Variants in PHACTR3 observed in about 807,000 individuals in gnomAD.
PHACTR3 encodes protein phosphatase 1, regulatory subunit 123.
In PHACTR3, 16 loss-of-function variants were observed where a neutral mutation model predicts 66.8. That is an observed-to-expected ratio of 0.24 (90% CI 0.16 to 0.36). PHACTR3 has a LOEUF of 0.36. Ranked by LOEUF, PHACTR3 falls within the 10% of genes least tolerant of loss-of-function variation. PHACTR3 has a pLI of 1.00. For synonymous variants in PHACTR3, 323 were observed against 292.1 expected, an observed-to-expected ratio of 1.11 and a Z score of -1.08; for missense variants, 647 against 719.9, an observed-to-expected ratio of 0.90 and a Z score of 1.16.
At position 59,806,111 on chromosome 20, in the gene PHACTR3, A is replaced by G. The variant is rs2041560510; in HGVS notation, c.1245A>G (p.Glu415=). 1.9e-6 allele frequency: 3 copies of G among 1,614,270 alleles called. No homozygotes were observed. The change falls in exon 8 of 13, where the codon GAA becomes GAG. Residue 415 remains glutamate (E), a synonymous_variant. Coordinates refer to ENST00000371015, the MANE Select transcript of PHACTR3 (RefSeq NM_080672.5). Reference sequence around the variant, plus strand: ...TAAGGAACCGGCCAAGCAAACAGGAACTAGAAGACCGGAACATTTTCCCCA... The same window carrying G: ...TAAGGAACCGGCCAAGCAAACAGGAGCTAGAAGACCGGAACATTTTCCCCA... The part of the protein sequence containing the change: ...VKLRNRPSKQ[E]LEDRNIFPRR...
chr20:59,631,584 G>C (rs1320264404), intron 1 of PHACTR3, among the ~76,000 whole-genome samples: 1 of 152,100 alleles, frequency 6.6e-6, no homozygotes, highest in Non-Finnish European at 1.5e-5. Context: ...AACTAGGGAT[G>C]TTTAAAAACA....
intron 1 of PHACTR3, among the ~76,000 whole-genome samples, chr20:59,597,642 A>G (rs1432348637): frequency 6.6e-6 from 1 of 152,246 alleles, no homozygotes; most frequent in Non-Finnish European, 1.5e-5. Context: ...TGGCTGGCAC[A>G]TGGTAAGAGC....
intron 1 of PHACTR3, among the ~76,000 whole-genome samples, chr20:59,607,008 AAGAG>A (rs1163147822): frequency 6.6e-6 from 1 of 152,216 alleles, no homozygotes; most frequent in Non-Finnish European, 1.5e-5. Context: ...TTCTGGCAGA[AAGAG>A]AATCAGAATC....
intron 1 of PHACTR3, among the ~76,000 whole-genome samples, chr20:59,729,797 A>AGC (rs943587772): frequency 2.0e-5 from 3 of 152,182 alleles, no homozygotes; most frequent in African/African-American, 7.2e-5. Context: ...CCTGTGATGA[A>AGC]GCGAGCAGCC....
intron 4 of PHACTR3, among the ~76,000 whole-genome samples, chr20:59,764,757 G>A (rs894487287): frequency 1.3e-5 from 2 of 152,184 alleles, no homozygotes; most frequent in Non-Finnish European, 2.9e-5. Flanking sequence ...AAGAAGTCCT[G>A]TAAACCCAAA....
chr20:59,598,732 G>T (rs2033393310), intron 1 of PHACTR3, among the ~76,000 whole-genome samples: 1 of 152,158 alleles, frequency 6.6e-6, no homozygotes, highest in Non-Finnish European at 1.5e-5. Context: ...GTGGTCAAAG[G>T]TGCAGGAAGT....
chr20:59,799,379 C>A (rs1600677025), intron 7 of PHACTR3, among the ~76,000 whole-genome samples: 2 of 152,124 alleles, frequency 1.3e-5, no homozygotes, highest in African/African-American at 2.4e-5. Flanking sequence ...GTTTTGAAAT[C>A]TCCAAGAAAT....
chr20:59,707,498 T>G (rs1169145513), intron 1 of PHACTR3, among the ~76,000 whole-genome samples: 1 of 144,912 alleles, frequency 6.9e-6, no homozygotes, highest in South Asian at 2.3e-4. Flanking sequence ...TCTCTCTCTG[T>G]CTCCCAGGTT....
chr20:59,669,286 A>T (rs2036109191), intron 1 of PHACTR3, among the ~76,000 whole-genome samples: 1 of 152,164 alleles, frequency 6.6e-6, no homozygotes, highest in South Asian at 2.1e-4. Flanking sequence ...TCCCTGTCTC[A>T]AGACTGTGTT....
chr20:59,667,553 A>G (rs2036035484), intron 1 of PHACTR3, among the ~76,000 whole-genome samples: 1 of 152,262 alleles, frequency 6.6e-6, no homozygotes, highest in Non-Finnish European at 1.5e-5. Context: ...CACCCTCGCC[A>G]TGTAAATTCA....
chr20:59,677,786 T>G (rs1004165423), intron 1 of PHACTR3, among the ~76,000 whole-genome samples: 1 of 152,206 alleles, frequency 6.6e-6, no homozygotes, highest in Non-Finnish European at 1.5e-5. Flanking sequence ...ATTATGTGCG[T>G]GTATAATGAT....
intron 1 of PHACTR3, among the ~76,000 whole-genome samples, chr20:59,631,666 C>T (rs893379104): frequency 1.3e-5 from 2 of 152,140 alleles, no homozygotes; most frequent in Non-Finnish European, 2.9e-5. Context: ...ACCAGTATTT[C>T]CCAAAAGAAA....
intron 1 of PHACTR3, among the ~76,000 whole-genome samples, chr20:59,691,199 C>T (rs1488948980): frequency 2.0e-5 from 3 of 152,158 alleles, no homozygotes; most frequent in Non-Finnish European, 2.9e-5. Context: ...CATGTGGCCT[C>T]GGGTGTCCTG....
intron 1 of PHACTR3, among the ~76,000 whole-genome samples, chr20:59,723,060 CTCTTTCTTTCTTTCTTTCTTTCTTTCTT>C (rs140524195): frequency 1.6e-4 from 19 of 118,768 alleles, no homozygotes; most frequent in African/African-American, 3.6e-4. Context: ...TTCTTTCTTT[CTCTTTCTTTCTTTCTTTCTTTCTTTCTT>C]TCTTTCTTTC....
intron 1 of PHACTR3, among the ~76,000 whole-genome samples, chr20:59,734,089 C>T (rs2038861024): frequency 6.6e-6 from 1 of 152,004 alleles, no homozygotes; most frequent in Non-Finnish European, 1.5e-5. Context: ...AGCCACACAG[C>T]TCTTCTTGGT....
Position 59,803,800 on chromosome 20 carries a change from T to C in PHACTR3, c.1175-2241T>C, listed in dbSNP as rs953051928. ...TCCTTTCATGTACTTTTTATGTGTT[T>C]GTCCCAATCATTTTAGGAGACAGAC... On this transcript the variant is annotated intron_variant, in intron 7 of 12. Transcript: ENST00000371015. 8.5e-5 allele frequency among the ~76,000 whole-genome samples: 13 copies of C among 152,220 alleles called. No homozygotes were observed. The East Asian group carries it at 2.5e-3, about 29-fold the overall frequency.
Position 59,829,149 on chromosome 20 carries a change from G to A in PHACTR3, c.1329-7356G>A, listed in dbSNP as rs911084858. On this transcript the variant is annotated intron_variant, in intron 8 of 12. Coordinates refer to ENST00000371015, the MANE Select transcript of PHACTR3 (RefSeq NM_080672.5). The surrounding 1 kb of genome is among the most constrained non-coding windows in gnomAD (Gnocchi z 4.2). The stretch of plus-strand genomic sequence containing the variant: ...GTGGGGAACAGGGTGTGAAAAGGTC[G>A]GCTTTGGACTCAGAGTGCCTGGAGT... Among the ~76,000 whole-genome samples, 3 of 152,088 alleles carry A rather than the reference G, an allele frequency of 2.0e-5. No individual in the cohort carries two copies. The highest frequency in any genetic ancestry group is 4.4e-5 in the Non-Finnish European group (3 of 68,002).
intron 1 of PHACTR3, among the ~76,000 whole-genome samples, chr20:59,737,428 T>C (rs1374752782): frequency 6.6e-6 from 1 of 152,126 alleles, no homozygotes. Context: ...GCTCGGGGCA[T>C]GGGCAGGAGG....
At chr20:59,658,953 CTTTTTTT>C (rs764286425) in intron 1 of PHACTR3, among the ~76,000 whole-genome samples, 1 of 131,262 alleles carries the variant, frequency 7.6e-6, no homozygotes, top group Non-Finnish European at 1.7e-5. Context: ...GCTTACTTGT[CTTTTTTT>C]TTTTTTTTTC....
Sources: allele counts gnomAD v4.1 joint callset (sites outside exome capture counted in the v4.1 genomes callset), GRCh38; gene constraint gnomAD v4.1.1; non-coding constraint Gnocchi (gnomAD v3.1); transcripts MANE v1.5; gene names NCBI Gene and HGNC (gene_info 2026-07-23, HGNC 2026-07-21).